Variants in PPARGC1A observed in about 807,000 individuals in gnomAD.
The protein encoded by PPARGC1A is PPARG coactivator 1 alpha.
PPARGC1A carries 25 observed loss-of-function variants against 88.7 expected under a neutral mutation model. That is an observed-to-expected ratio of 0.28 (90% CI 0.21 to 0.39). The LOEUF (loss-of-function observed/expected upper bound fraction) is 0.39. PPARGC1A is among the 10% of genes least tolerant of loss of function. The pLI is 1.00. For missense variants in PPARGC1A, 880 were observed against 968.7 expected (o/e 0.91, Z 1.22); for synonymous variants, 363 against 355.6 (o/e 1.02, Z -0.24).
the PPARGC1A span, among the ~76,000 whole-genome samples, chr4:24,351,904 A>C: frequency 6.6e-6 from 1 of 152,020 alleles, no homozygotes; most frequent in Non-Finnish European, 1.5e-5. Context: ...TTTTTATTTC[A>C]GTAAGAATTT....
the PPARGC1A span, among the ~76,000 whole-genome samples, chr4:24,446,092 G>C: frequency 6.6e-6 from 1 of 152,026 alleles, no homozygotes; most frequent in African/African-American, 2.4e-5. Flanking sequence ...AAATAAAAAA[G>C]ACATTCATCC....
At chr4:24,339,227 T>TACACACACAC in the PPARGC1A span, among the ~76,000 whole-genome samples, 3 of 89,618 alleles carry the variant, frequency 3.3e-5, no homozygotes, top group African/African-American at 1.1e-4. Context: ...TATATATATA[T>TACACACACAC]ATATATATAT....
chr4:24,456,139 T>C, the PPARGC1A span, among the ~76,000 whole-genome samples: 6 of 152,048 alleles, frequency 3.9e-5, no homozygotes, highest in South Asian at 2.1e-4. Flanking sequence ...TAAAGGGAAG[T>C]GAAAGATTGA....
At chr4:24,208,682 A>AAAAAAAATAT in the PPARGC1A span, among the ~76,000 whole-genome samples, 24 of 134,998 alleles carry the variant, frequency 1.8e-4, no homozygotes, top group South Asian at 4.7e-4. Context: ...TCAGAAAAAA[A>AAAAAAAATAT]ATATATATAT....
At chr4:24,426,640 T>G in the PPARGC1A span, among the ~76,000 whole-genome samples, 5 of 152,240 alleles carry the variant, frequency 3.3e-5, no homozygotes, top group Non-Finnish European at 7.3e-5. Context: ...AACCATGCAT[T>G]ATGGCTTAAG....
the PPARGC1A span, among the ~76,000 whole-genome samples, chr4:24,445,290 C>G: frequency 3.3e-5 from 5 of 152,202 alleles, no homozygotes; most frequent in Non-Finnish European, 7.3e-5. Context: ...GATTGTTTTT[C>G]TATACTGAAG....
chr4:24,381,358 G>A, the PPARGC1A span, among the ~76,000 whole-genome samples: 1 of 152,108 alleles, frequency 6.6e-6, no homozygotes, highest in South Asian at 2.1e-4. Context: ...ACCATGAACT[G>A]GGAAAGAAAG....
chr4:23,821,067 G>A (rs1722924910), intron 7 of PPARGC1A, among the ~76,000 whole-genome samples: 1 of 152,044 alleles, frequency 6.6e-6, no homozygotes, highest in African/African-American at 2.4e-5. Flanking sequence ...CACAGACTTG[G>A]CCTTAGAATC....
the PPARGC1A span, among the ~76,000 whole-genome samples, chr4:24,014,470 T>C: frequency 6.6e-6 from 1 of 152,204 alleles, no homozygotes; most frequent in Non-Finnish European, 1.5e-5. Context: ...TATTATCTCA[T>C]GGTTTCTGCG....
the PPARGC1A span, among the ~76,000 whole-genome samples, chr4:24,048,046 A>C: frequency 2.6e-5 from 4 of 152,180 alleles, no homozygotes; most frequent in Non-Finnish European, 4.4e-5. Flanking sequence ...TCCAAAATGA[A>C]TGTCACTCAT....
the PPARGC1A span, among the ~76,000 whole-genome samples, chr4:24,354,324 T>C: frequency 2.6e-5 from 4 of 152,100 alleles, no homozygotes; most frequent in African/African-American, 7.2e-5. Context: ...TCTTCTGCCA[T>C]GTAAGGTAAC....
chr4:24,136,981 G>A, the PPARGC1A span, among the ~76,000 whole-genome samples: 5 of 152,010 alleles, frequency 3.3e-5, no homozygotes, highest in African/African-American at 1.2e-4. Flanking sequence ...AGGTGTGGTG[G>A]CATGTGCCTA....
intron 2 of PPARGC1A, among the ~76,000 whole-genome samples, chr4:23,840,058 G>A (rs1283886345): frequency 6.6e-6 from 1 of 152,024 alleles, no homozygotes; most frequent in Non-Finnish European, 1.5e-5. Context: ...TCTCAACACA[G>A]AAGACGAAGT....
At chr4:24,379,559 T>C in the PPARGC1A span, among the ~76,000 whole-genome samples, 6,625 of 151,864 alleles carry the variant, frequency 0.044, 510 homozygotes, top group African/African-American at 0.15. Flanking sequence ...ATATTATATA[T>C]CAATATAAAA....
At chr4:24,156,635 T>G in the PPARGC1A span, among the ~76,000 whole-genome samples, 1 of 152,176 alleles carries the variant, frequency 6.6e-6, no homozygotes, top group Non-Finnish European at 1.5e-5. Context: ...TATGAGAACA[T>G]GAAATCATAT....
chr4:24,234,147 C>T, the PPARGC1A span, among the ~76,000 whole-genome samples: 1 of 152,112 alleles, frequency 6.6e-6, no homozygotes, highest in African/African-American at 2.4e-5. Flanking sequence ...AATGAAAGCA[C>T]AATGGGCAGA....
the PPARGC1A span, among the ~76,000 whole-genome samples, chr4:24,030,502 T>C: frequency 2.6e-5 from 4 of 152,208 alleles, no homozygotes; most frequent in Non-Finnish European, 5.9e-5. Flanking sequence ...CCACTAAAAA[T>C]AATACCTTTT....
the PPARGC1A span, among the ~76,000 whole-genome samples, chr4:24,458,939 A>G: frequency 1.3e-5 from 2 of 152,228 alleles, no homozygotes; most frequent in Admixed American, 1.3e-4. Flanking sequence ...CGGGAAATAT[A>G]TAAATCAAAA....
At chr4:24,279,842 G>A in the PPARGC1A span, among the ~76,000 whole-genome samples, 2 of 152,094 alleles carry the variant, frequency 1.3e-5, no homozygotes, top group African/African-American at 2.4e-5. Flanking sequence ...GTGCAATTTG[G>A]GGCAGATAGT....
Sources: allele counts gnomAD v4.1 joint callset (sites outside exome capture counted in the v4.1 genomes callset), GRCh38; gene constraint gnomAD v4.1.1; transcripts MANE v1.5; gene names NCBI Gene and HGNC (gene_info 2026-07-23, HGNC 2026-07-21).